FRMD4A: variants seen among roughly 807,000 people sequenced by gnomAD.
FRMD4A encodes the protein FERM domain-containing protein 4A.
FRMD4A carries 29 observed loss-of-function variants against 129.1 expected under a neutral mutation model. The ratio of observed to expected loss-of-function variants is 0.22; its 90% CI spans 0.17 to 0.31. The LOEUF is 0.31. FRMD4A is among the 10% of genes least tolerant of loss of function. The pLI is 1.00. For synonymous variants in FRMD4A, 634 were observed against 571.6 expected (o/e 1.11, Z -1.56); for missense variants, 1,272 against 1,375.8 (o/e 0.92, Z 1.19).
chr10:13,670,260 G>C lies in FRMD4A; in HGVS notation c.1374+146C>G, dbSNP rs994059421. On this transcript the variant is annotated intron_variant, in intron 17 of 24. Coordinates refer to ENST00000357447, the MANE Select transcript of FRMD4A (RefSeq NM_018027.5). The stretch of plus-strand genomic sequence containing the variant: ...TACCGAGGGGAACCACATACTGACC[G>C]GCCAGCTCACTCAAGAAAAGGTATG... 39 of 731,704 alleles carry C rather than the reference G, an allele frequency of 5.3e-5. 1 individual carries two copies. The South Asian group carries it at 6.1e-4, about 11-fold the overall frequency. 45.3% of individuals were successfully genotyped at this position (731,704 alleles called of 1,614,324 possible). A position where few individuals can be genotyped will look rare whatever the true frequency, so the allele number is the denominator to read the frequency against.
At chr10:13,755,103 A>C (rs150297229) in intron 8 of FRMD4A, among the ~76,000 whole-genome samples, 4 of 152,358 alleles carry the variant, frequency 2.6e-5, no homozygotes, top group African/African-American at 7.2e-5. Flanking sequence ...GCTGGCAAGA[A>C]AATGACTTTG....
At chr10:14,034,833 C>T (rs184125401) in intron 2 of FRMD4A, among the ~76,000 whole-genome samples, 209 of 152,296 alleles carry the variant, frequency 1.4e-3, no homozygotes, top group African/African-American at 4.9e-3. Context: ...CCCTCATTGG[C>T]TTTCTAATAT....
At chr10:13,681,770 T>C (rs769773714) in intron 15 of FRMD4A, among the ~76,000 whole-genome samples, 1 of 152,082 alleles carries the variant, frequency 6.6e-6, no homozygotes, top group Non-Finnish European at 1.5e-5. Flanking sequence ...TTGGGAAGGT[T>C]GTGTAACCTC....
intron 2 of FRMD4A, among the ~76,000 whole-genome samples, chr10:14,141,012 A>C (rs1045379179): frequency 2.1e-4 from 32 of 152,038 alleles, no homozygotes; most frequent in Non-Finnish European, 2.5e-4. Flanking sequence ...AACCCTAGGG[A>C]CACCACCCAG....
At chr10:14,189,802 A>G (rs1842261510) in intron 2 of FRMD4A, among the ~76,000 whole-genome samples, 1 of 152,222 alleles carries the variant, frequency 6.6e-6, no homozygotes, top group Admixed American at 6.5e-5. Flanking sequence ...GTGAGTTTAG[A>G]CAGATCTTAA....
At chr10:14,267,363 C>A (rs563007982) in intron 2 of FRMD4A, among the ~76,000 whole-genome samples, 3 of 152,232 alleles carry the variant, frequency 2.0e-5, no homozygotes, top group East Asian at 1.9e-4. Flanking sequence ...TCATTTAATT[C>A]TTATAATATC....
rs553542054 is a variant in FRMD4A at position 14,228,144 on chromosome 10, T to C, written c.45+101914A>G. Among the ~76,000 whole-genome samples, 10 of 152,294 alleles carry C rather than the reference T, an allele frequency of 6.6e-5. No individual in the cohort carries two copies. The East Asian group carries it at 1.7e-3, about 26-fold the overall frequency. Reference sequence around the variant, plus strand: ...GTTTCAGCCTCCTAAAGTGCTGGGATTACAGGTGTGAGCCACCGCACCCAG... The same window carrying C: ...GTTTCAGCCTCCTAAAGTGCTGGGACTACAGGTGTGAGCCACCGCACCCAG... On this transcript the variant is annotated intron_variant, in intron 2 of 24. Transcript: ENST00000357447.
intron 4 of FRMD4A, among the ~76,000 whole-genome samples, chr10:13,804,818 A>G (rs2093333032): frequency 6.7e-6 from 1 of 149,536 alleles, no homozygotes; most frequent in Non-Finnish European, 1.5e-5. Flanking sequence ...TCGGCCTCCC[A>G]AAGTGTTAGG....
intron 14 of FRMD4A, among the ~76,000 whole-genome samples, chr10:13,700,930 C>T (rs1176142002): frequency 7.6e-6 from 1 of 131,116 alleles, no homozygotes; most frequent in Non-Finnish European, 1.6e-5. Flanking sequence ...TTACCCTAAA[C>T]AGTTAGGTGG....
chr10:13,706,043 T>C (rs997381106), intron 13 of FRMD4A, among the ~76,000 whole-genome samples: 1 of 152,130 alleles, frequency 6.6e-6, no homozygotes, highest in African/African-American at 2.4e-5. Context: ...CCAGAGCTCA[T>C]GGGGAGGGAC....
intron 15 of FRMD4A, among the ~76,000 whole-genome samples, chr10:13,681,962 T>C (rs1010529831): frequency 2.0e-5 from 3 of 152,170 alleles, no homozygotes; most frequent in African/African-American, 7.2e-5. Context: ...CTCACACCTA[T>C]AATCCCAGCA....
chr10:14,295,684 T>C (rs1484012431), intron 2 of FRMD4A, among the ~76,000 whole-genome samples: 5 of 152,160 alleles, frequency 3.3e-5, no homozygotes, highest in African/African-American at 9.6e-5. Flanking sequence ...GCACATGGGC[T>C]GTGGGTGGCT....
At chr10:13,891,560 G>C in intron 2 of FRMD4A, 1 of 977,382 alleles carries the variant, frequency 1.0e-6, no homozygotes. Context: ...TGAAAACACG[G>C]AAGGCGAAGG....
chr10:13,910,888 G>GAAAAAAAAAAAA (rs141449954), intron 2 of FRMD4A, among the ~76,000 whole-genome samples: 2 of 83,100 alleles, frequency 2.4e-5, no homozygotes, highest in African/African-American at 1.0e-4. Flanking sequence ...GGAGTTTCAT[G>GAAAAAAAAAAAA]AAAAAAAAAA....
rs1411856944 is a variant in FRMD4A at position 13,726,287 on chromosome 10, A to AAAAAC, written c.759+11552_759+11556dup. On this transcript the variant is annotated intron_variant, in intron 12 of 24. Coordinates refer to ENST00000357447, the MANE Select transcript of FRMD4A (RefSeq NM_018027.5). Reference sequence around the variant, plus strand: ...AGACCTTGTCTCAAAAAAACAAAACAAAAACAAAACAAAACAAAAAAGAAA... The same window carrying AAAAAC: ...AGACCTTGTCTCAAAAAAACAAAACAAAAACAAAACAAAACAAAACAAAAAAGAAA... 2.6e-5 allele frequency among the ~76,000 whole-genome samples: 4 copies of AAAAAC among 152,300 alleles called. 1 individual carries two copies. The highest frequency in any genetic ancestry group is 4.1e-4 in the South Asian group (2 of 4,822).
intron 7 of FRMD4A, among the ~76,000 whole-genome samples, chr10:13,762,135 C>G (rs2092099035): frequency 6.6e-6 from 1 of 152,174 alleles, no homozygotes; most frequent in Non-Finnish European, 1.5e-5. Context: ...TCAGTAAATA[C>G]TTATTGAAGG....
At chr10:14,136,316 C>T (rs1438345226) in intron 2 of FRMD4A, among the ~76,000 whole-genome samples, 2 of 152,140 alleles carry the variant, frequency 1.3e-5, no homozygotes, top group South Asian at 2.1e-4. Flanking sequence ...ACCTCCCTCG[C>T]AATTTGCCCA....
At chr10:14,131,518 A>G (rs1181970084) in intron 2 of FRMD4A, among the ~76,000 whole-genome samples, 2 of 152,036 alleles carry the variant, frequency 1.3e-5, no homozygotes, top group South Asian at 2.1e-4. Context: ...CACAGATTCC[A>G]AACATGAACA....
chr10:13,693,431 G>C (rs11594370), intron 15 of FRMD4A: 26,575 of 854,168 alleles, frequency 0.031, 493 homozygotes, highest in Middle Eastern at 0.048. Flanking sequence ...ATCATGCCCT[G>C]CGACACGATG....
Sources: gnomAD v4.1 joint callset for allele counts (sites outside exome capture counted in the v4.1 genomes callset) on GRCh38, gnomAD v4.1.1 for gene constraint, MANE v1.5 for transcripts, NCBI Gene and HGNC (gene_info 2026-07-23, HGNC 2026-07-21) for gene names.